The following KAZN variants were observed in gnomAD, a reference collection of about 807,000 sequenced individuals.
The protein encoded by KAZN is kazrin.
Under a neutral mutation model 87.4 loss-of-function variants are expected in KAZN, and 40 were observed. That is an observed-to-expected ratio of 0.46 (90% CI 0.36 to 0.60). The LOEUF (loss-of-function observed/expected upper bound fraction) is 0.60. KAZN is among the 20% of genes least tolerant of loss of function. The pLI, the probability that KAZN is intolerant of heterozygous loss-of-function variation, is 0.00. For missense variants in KAZN, 898 were observed against 1,073.9 expected (o/e 0.84, Z 2.29); for synonymous variants, 466 against 458.3 (o/e 1.02, Z -0.22).
chr1:14,701,525 G>T (rs1048542523), intron 1 of KAZN, among the ~76,000 whole-genome samples: 1 of 152,208 alleles, frequency 6.6e-6, no homozygotes, highest in African/African-American at 2.4e-5. Context: ...GGGTGCCATG[G>T]CTCATGCCTA....
chr1:14,852,008 C>A (rs1051137009), intron 1 of KAZN, among the ~76,000 whole-genome samples: 2 of 152,186 alleles, frequency 1.3e-5, no homozygotes, highest in Non-Finnish European at 2.9e-5. Context: ...CAAATGAAGT[C>A]ATATCTCAGC....
intron 1 of KAZN, among the ~76,000 whole-genome samples, chr1:14,778,424 A>G (rs930396114): frequency 2.6e-5 from 4 of 151,096 alleles, no homozygotes; most frequent in African/African-American, 2.4e-5. Context: ...CCCACATCCA[A>G]TGGCAGTTAG....
intron 1 of KAZN, among the ~76,000 whole-genome samples, chr1:14,039,169 CAAA>C (rs5772558): frequency 0.074 from 9,039 of 122,486 alleles, 933 homozygotes; most frequent in African/African-American, 0.24. Context: ...GACTCTGTCT[CAAA>C]AAAAAAAAAA....
At chr1:14,456,185 CT>C in intron 2 of KAZN, among the ~76,000 whole-genome samples, 2 of 152,352 alleles carry the variant, frequency 1.3e-5, no homozygotes, top group Non-Finnish European at 2.9e-5. Flanking sequence ...CCCCCAAACC[CT>C]AGCAGCTTAA....
intron 1 of KAZN, among the ~76,000 whole-genome samples, chr1:14,913,278 G>A (rs1657445904): frequency 6.6e-6 from 1 of 152,148 alleles, no homozygotes; most frequent in Non-Finnish European, 1.5e-5. Context: ...CCTGATCTGG[G>A]AGAAACATTC....
At chr1:14,888,633 C>T (rs1027980582) in intron 1 of KAZN, among the ~76,000 whole-genome samples, 1 of 152,060 alleles carries the variant, frequency 6.6e-6, no homozygotes, top group Non-Finnish European at 1.5e-5. Flanking sequence ...AATGACCACC[C>T]CCTCTGAGCC....
rs1343276764 is a variant in KAZN, at chr1:15,060,295, T to C, written c.1040T>C (p.Leu347Pro). The C allele has an allele frequency of 6.2e-7, 1 of 1,614,086 alleles. No homozygotes were observed. The highest frequency in any genetic ancestry group is 2.2e-5 in the East Asian group (1 of 44,878). ...INSPRHRTHS[L>P]CNGDSPGPVQ... ...TCCCCTCGACACCGGACACACTCCC[T>C]CTGCAACGTAAGGCCAGCAGCAGCG... The change falls in exon 6 of 15, where the codon CTC (leucine) becomes CCC (proline). Residue 347 changes from leucine to proline, a missense_variant. Transcript: ENST00000376030.
intron 2 of KAZN, among the ~76,000 whole-genome samples, chr1:14,321,320 C>G (rs146069463): frequency 2.6e-5 from 4 of 152,098 alleles, no homozygotes; most frequent in South Asian, 2.1e-4. Context: ...CGCGAATGGC[C>G]GAGCAAGGGG....
intron 1 of KAZN, among the ~76,000 whole-genome samples, chr1:14,102,912 C>CTTTTT (rs140592376): frequency 1.3e-5 from 2 of 149,424 alleles, no homozygotes; most frequent in African/African-American, 2.5e-5. Context: ...ACTAATCTCT[C>CTTTTT]TCTTTTTTTT....
chr1:14,906,177 T>TAATAATAATAATA (rs1557607755), intron 1 of KAZN, among the ~76,000 whole-genome samples: 1 of 33,500 alleles, frequency 3.0e-5, no homozygotes, highest in Non-Finnish European at 7.4e-5. Context: ...AAAAATATAT[T>TAATAATAATAATA]ATAATAATAA....
At chr1:14,788,341 G>A (rs964034941) in intron 1 of KAZN, among the ~76,000 whole-genome samples, 2 of 152,186 alleles carry the variant, frequency 1.3e-5, no homozygotes, top group African/African-American at 4.8e-5. Flanking sequence ...GGAAAAAGAT[G>A]GTTGGGACTC....
chr1:14,775,504 C>T (rs1386258135), intron 1 of KAZN, among the ~76,000 whole-genome samples: 6 of 152,232 alleles, frequency 3.9e-5, no homozygotes, highest in Non-Finnish European at 5.9e-5. Context: ...TTGGCGTCCA[C>T]GCCTTGTGAT....
At chr1:15,079,035 C>T (rs971807061) in intron 8 of KAZN, among the ~76,000 whole-genome samples, 1 of 152,168 alleles carries the variant, frequency 6.6e-6, no homozygotes, top group East Asian at 1.9e-4. Flanking sequence ...TGAGGGAGAT[C>T]GGAGGTGGGA....
At chr1:14,939,805 C>T (rs1420944148) in intron 1 of KAZN, among the ~76,000 whole-genome samples, 1 of 152,182 alleles carries the variant, frequency 6.6e-6, no homozygotes, top group East Asian at 1.9e-4. Flanking sequence ...CAGGAGGTCC[C>T]TGCCAGGCTG....
intron 1 of KAZN, among the ~76,000 whole-genome samples, chr1:14,609,663 A>G (rs570662567): frequency 6.6e-6 from 1 of 152,210 alleles, no homozygotes; most frequent in Non-Finnish European, 1.5e-5. Flanking sequence ...TTGGCAATCA[A>G]GAAGGTTCCT....
chr1:14,049,251 G>A (rs976714924), intron 1 of KAZN, among the ~76,000 whole-genome samples: 16 of 151,964 alleles, frequency 1.1e-4, no homozygotes, highest in Non-Finnish European at 1.9e-4. Context: ...TCACTCATAG[G>A]TGGGAATTGA....
intron 13 of KAZN, among the ~76,000 whole-genome samples, chr1:15,110,567 G>GTGTGTGTGTGTT (rs1557807456): frequency 3.9e-5 from 6 of 152,010 alleles, no homozygotes; most frequent in African/African-American, 1.4e-4. Flanking sequence ...GTGTGTGTGT[G>GTGTGTGTGTGTT]TATCCTCTCA....
At chr1:14,730,329 G>T (rs186983802) in intron 1 of KAZN, among the ~76,000 whole-genome samples, 2 of 152,148 alleles carry the variant, frequency 1.3e-5, no homozygotes, top group East Asian at 3.9e-4. Flanking sequence ...TAATCCGCCC[G>T]CCTCGGCTTC....
Position 15,104,054 on chromosome 1 carries a change from T to C in KAZN, c.1913T>C (p.Val638Ala), listed in dbSNP as rs761143222. ...GCAGACAACCTGACCAACAGCGGCGTCCATGGTGCTGTGCTGGTGCTGGAG... is the reference window on the plus strand; with the variant it reads ...GCAGACAACCTGACCAACAGCGGCGCCCATGGTGCTGTGCTGGTGCTGGAG... Reference protein sequence around the residue: ...EYADNLTNSGVHGAVLVLEPT... With the variant: ...EYADNLTNSGAHGAVLVLEPT... Residue 638 changes from valine (V) to alanine (A), a missense_variant, in exon 13 of 15, where the codon GTC becomes GCC. Val to Ala is a moderately conservative substitution (Grantham distance 64). This residue lies in a region of KAZN where 521 missense variants were observed against 689.4 expected (regional missense o/e 0.76). Coordinates refer to ENST00000376030, the MANE Select transcript of KAZN (RefSeq NM_201628.3). The C allele has an allele frequency of 6.2e-7, 1 of 1,613,718 alleles. No individual in the cohort carries two copies. Among genetic ancestry groups the C allele is most frequent in the Non-Finnish European group, 8.5e-7 (1 of 1,179,826 alleles).
Sources: gnomAD v4.1 joint callset for allele counts (sites outside exome capture counted in the v4.1 genomes callset) on GRCh38, gnomAD v4.1.1 for gene constraint, gnomAD v4.1.1 regional missense constraint, MANE v1.5 for transcripts, NCBI Gene and HGNC (gene_info 2026-07-23, HGNC 2026-07-21) for gene names.